Variants in ECE1 observed in about 807,000 individuals in gnomAD.
ECE1 encodes endothelin converting enzyme 1, also known as endothelin-converting enzyme 1.
Under a neutral mutation model 98.6 loss-of-function variants are expected in ECE1, and 35 were observed. That is an observed-to-expected ratio of 0.35 (90% CI 0.27 to 0.47). The LOEUF (loss-of-function observed/expected upper bound fraction) is 0.47, where lower values mean the gene tolerates loss of function less well. Among genes scored for constraint, ECE1 ranks in the 20% least tolerant of loss-of-function variants. The probability of loss-of-function intolerance (pLI) is 1.00; values close to 1 mark genes in which losing one functional copy is unlikely to be tolerated. For missense variants in ECE1, 814 were observed against 1,025.3 expected (o/e 0.79, Z 2.81); for synonymous variants, 394 against 407.1 (o/e 0.97, Z 0.39).
At chr1:21,239,912 T>C (rs963451891) in intron 10 of ECE1, among the ~76,000 whole-genome samples, 2 of 152,200 alleles carry the variant, frequency 1.3e-5, no homozygotes, top group Non-Finnish European at 2.9e-5. Flanking sequence ...GGCTCATGCC[T>C]GTAATCCCAG....
chr1:21,299,798 C>A (rs1420258513), intron 1 of ECE1: 2 of 152,174 alleles, frequency 1.3e-5, no homozygotes, highest in East Asian at 3.8e-4. Context: ...ATATTATTGT[C>A]ATTTATGGGG....
In ECE1 at chr1:21,233,546, G is replaced by A; in HGVS notation, c.1670+12C>T. The A allele has an allele frequency of 6.2e-7, 1 of 1,612,150 alleles. No homozygotes were observed. Among genetic ancestry groups the A allele is most frequent in the Admixed American group, 1.7e-5 (1 of 60,010 alleles). On this transcript the variant is annotated intron_variant, in intron 14 of 18. Transcript: ENST00000374893. The surrounding 1 kb of genome is among the most constrained non-coding windows in gnomAD (Gnocchi z 4.0). ...AGCTGGCACCTTGCCGGCAGGGCCT[G>A]GGGGAACTCACTGATCTCTGTTGGG... is the stretch of plus-strand genomic sequence containing the variant.
Position 21,258,597 on chromosome 1 carries a change from A to G in ECE1, c.762+96T>C. 2 of 611,754 alleles carry G rather than the reference A, an allele frequency of 3.3e-6. No individual in the cohort carries two copies. Among genetic ancestry groups the G allele is most frequent in the Non-Finnish European group, 6.0e-6 (2 of 335,560 alleles). The allele number at this position is 611,754 out of a possible 1,614,324, so 37.9% of individuals were successfully genotyped here. On this transcript the variant is annotated intron_variant, in intron 6 of 18. Coordinates refer to ENST00000374893, the MANE Select transcript of ECE1 (RefSeq NM_001397.3). The surrounding 1 kb of genome is among the most constrained non-coding windows in gnomAD (Gnocchi z 4.2). ...AAACTAGAAGACCGCCGTCCCACCC[A>G]GGGCAAGCCCCTCTCCCACCCCAGG...
chr1:21,237,918 C>T (rs1282575108), intron 11 of ECE1, among the ~76,000 whole-genome samples: 2 of 152,196 alleles, frequency 1.3e-5, no homozygotes, highest in Admixed American at 6.5e-5. Context: ...CACATGAGCT[C>T]GTGCAGATAA....
intron 14 of ECE1, among the ~76,000 whole-genome samples, chr1:21,228,838 G>T (rs1327752256): frequency 7.7e-6 from 1 of 130,454 alleles, no homozygotes; most frequent in Non-Finnish European, 1.6e-5. Context: ...CACCACTGAA[G>T]AGTATCTTTT....
At position 21,340,305 on chromosome 1, in the gene ECE1, T is replaced by C. The variant is rs1444344755; in HGVS notation, c.3+5071A>G. On this transcript the variant is annotated intron_variant, in intron 1 of 18. Transcript: ENST00000415912. This position sits in a 1 kb window ranked among gnomAD's most constrained non-coding sequence, Gnocchi z 4.6. ...AGGAGAAGGGGCTGTCTGGGACCTC[T>C]GTCTGGGGCCACAGCCTCCTTCTGT... Among the ~76,000 whole-genome samples the C allele has an allele frequency of 2.0e-5, 3 of 152,260 alleles. No homozygotes were observed. The highest frequency in any genetic ancestry group is 2.0e-4 in the Admixed American group (3 of 15,288).
intron 1 of ECE1, among the ~76,000 whole-genome samples, chr1:21,337,598 T>C (rs1266552598): frequency 6.6e-6 from 1 of 152,196 alleles, no homozygotes; most frequent in Non-Finnish European, 1.5e-5. Flanking sequence ...CAGTCTGGCA[T>C]CCTGTGTCAT....
At chr1:21,268,865 TG>T (rs748901385) in intron 4 of ECE1, among the ~76,000 whole-genome samples, 7 of 152,224 alleles carry the variant, frequency 4.6e-5, no homozygotes, top group Non-Finnish European at 1.0e-4. Context: ...GGAGTTTCCA[TG>T]TATCAAAGTC....
chr1:21,263,177 T>C (rs1197289411), intron 4 of ECE1, among the ~76,000 whole-genome samples: 1 of 152,004 alleles, frequency 6.6e-6, no homozygotes, highest in East Asian at 1.9e-4. Flanking sequence ...CCCTCCGCCA[T>C]TCCATGTCTT....
At position 21,240,694 on chromosome 1, in the gene ECE1, C is replaced by T. The variant is rs192761447; in HGVS notation, c.1279-2450G>A. Among the ~76,000 whole-genome samples, 517 of 152,326 alleles carry T rather than the reference C, an allele frequency of 3.4e-3. 2 individuals are homozygous for T. The highest frequency in any genetic ancestry group is 0.012 in the African/African-American group (492 of 41,558). On this transcript the variant is annotated intron_variant, in intron 10 of 18. Transcript: ENST00000374893. ...GCCCTCAGCCTTTCCCTCCCTCCCGCGCCTACCCTCCCTCGGCTGAGAAGC... is the reference window on the plus strand; with the variant it reads ...GCCCTCAGCCTTTCCCTCCCTCCCGTGCCTACCCTCCCTCGGCTGAGAAGC...
chr1:21,282,600 AAAAAG>A (rs1427956296), intron 2 of ECE1, among the ~76,000 whole-genome samples: 3 of 151,264 alleles, frequency 2.0e-5, no homozygotes, highest in East Asian at 3.9e-4. Context: ...AAAAAAAAAA[AAAAAG>A]AAAGAAAAGA....
chr1:21,263,061 G>A (rs2098229137), intron 4 of ECE1, among the ~76,000 whole-genome samples: 1 of 152,196 alleles, frequency 6.6e-6, no homozygotes, highest in Non-Finnish European at 1.5e-5. Context: ...GGGAGGGCGG[G>A]AGGAGACCAG....
Position 21,327,738 on chromosome 1 carries a change from G to A in ECE1, c.3+17638C>T, listed in dbSNP as rs1003263746. ...ACACAGCTGGGGTCCCCAGCCCCCCGGGCCTCAGACCAGTACCAGTCCATG... is the reference window on the plus strand; with the variant it reads ...ACACAGCTGGGGTCCCCAGCCCCCCAGGCCTCAGACCAGTACCAGTCCATG... On this transcript the variant is annotated intron_variant, in intron 1 of 18. Coordinates refer to the ECE1 transcript ENST00000415912. This position sits in a 1 kb window ranked among gnomAD's most constrained non-coding sequence, Gnocchi z 4.6. 6.6e-6 allele frequency among the ~76,000 whole-genome samples: 1 copy of A among 152,128 alleles called. No individual in the cohort carries two copies. Among genetic ancestry groups the A allele is most frequent in the Non-Finnish European group, 1.5e-5 (1 of 68,020 alleles).
chr1:21,231,434 C>T lies in ECE1; in HGVS notation c.1670+2124G>A, dbSNP rs186232032. 3.7e-4 allele frequency among the ~76,000 whole-genome samples: 56 copies of T among 150,076 alleles called. No homozygotes were observed. The South Asian group carries it at 6.0e-3, about 16-fold the overall frequency. On this transcript the variant is annotated intron_variant, in intron 14 of 18. Coordinates refer to ENST00000374893, the MANE Select transcript of ECE1 (RefSeq NM_001397.3). ...TCTGTTCACTGCAACCTCTGCCTCC[C>T]GGGTTCAAGCGATTCTCCTGCCTCA...
chr1:21,264,118 C>T (rs754826470), intron 4 of ECE1, among the ~76,000 whole-genome samples: 9 of 152,036 alleles, frequency 5.9e-5, no homozygotes, highest in Non-Finnish European at 1.0e-4. Context: ...ACTGGGGAAC[C>T]GCAGCCTGAG....
At chr1:21,240,547 T>C (rs1050469541) in intron 10 of ECE1, among the ~76,000 whole-genome samples, 1 of 152,154 alleles carries the variant, frequency 6.6e-6, no homozygotes, top group Non-Finnish European at 1.5e-5. Context: ...GCATTTTTAT[T>C]GTATGTAAAT....
chr1:21,230,725 G>A lies in ECE1; in HGVS notation c.1671-2684C>T, dbSNP rs534696006. Among the ~76,000 whole-genome samples, 5 of 152,104 alleles carry A rather than the reference G, an allele frequency of 3.3e-5. No individual in the cohort carries two copies. The East Asian group carries it at 9.7e-4, about 30-fold the overall frequency. On this transcript the variant is annotated intron_variant, in intron 14 of 18. Coordinates refer to ENST00000374893, the MANE Select transcript of ECE1 (RefSeq NM_001397.3). ...TATATAAAAACAACATATGGTAACA[G>A]ATTGACTGCAGAATCAGATATGAGA... is the stretch of plus-strand genomic sequence containing the variant.
intron 2 of ECE1, among the ~76,000 whole-genome samples, chr1:21,280,716 C>G (rs889159739): frequency 6.6e-6 from 1 of 152,132 alleles, no homozygotes; most frequent in Non-Finnish European, 1.5e-5. Flanking sequence ...GGGTCAGAGC[C>G]CTGAGGGAGT....
Position 21,236,752 on chromosome 1 carries a change from C to T in ECE1, c.1482G>A (p.Lys494=). 6.2e-7 allele frequency: 1 copy of T among 1,614,090 alleles called. No individual in the cohort carries two copies. The highest frequency in any genetic ancestry group is 8.5e-7 in the Non-Finnish European group (1 of 1,180,028). Reference sequence around the variant, plus strand: ...AGTGCCTGGCCAGCCTCACCTTTTCCTTGGCTGATTTTCGGGTTTCCTCAT... The same window carrying T: ...AGTGCCTGGCCAGCCTCACCTTTTCTTTGGCTGATTTTCGGGTTTCCTCAT... The part of the protein sequence containing the change: ...WMDEETRKSA[K]EKADAIYNMI... The change falls in exon 12 of 19, where the codon AAG becomes AAA. Residue 494 remains lysine, a synonymous_variant. Coordinates refer to ENST00000374893, the MANE Select transcript of ECE1 (RefSeq NM_001397.3).
Sources: allele counts gnomAD v4.1 joint callset (sites outside exome capture counted in the v4.1 genomes callset), GRCh38; gene constraint gnomAD v4.1.1; non-coding constraint Gnocchi (gnomAD v3.1); transcripts MANE v1.5; gene names NCBI Gene and HGNC (gene_info 2026-07-23, HGNC 2026-07-21).